The following MYT1L variants were observed in gnomAD, a reference collection of about 807,000 sequenced individuals.
The protein encoded by MYT1L is myelin transcription factor 1 like, also known as myelin transcription factor 1-like protein.
MYT1L carries 12 observed loss-of-function variants against 126.7 expected under a neutral mutation model. That is an observed-to-expected ratio of 0.09 (90% CI 0.06 to 0.15). MYT1L has a LOEUF of 0.15. Ranked by LOEUF, MYT1L falls within the 10% of genes least tolerant of loss-of-function variation. The pLI, the probability that MYT1L is intolerant of heterozygous loss-of-function variation, is 1.00. For synonymous variants in MYT1L, 541 were observed against 604.2 expected (o/e 0.90, Z 1.53); for missense variants, 979 against 1,585.2 (o/e 0.62, Z 6.49).
chr2:2,314,369 A>G (rs1316538375), intron 1 of MYT1L, among the ~76,000 whole-genome samples: 1 of 152,212 alleles, frequency 6.6e-6, no homozygotes, highest in African/African-American at 2.4e-5. Flanking sequence ...ATGACCATTC[A>G]GAACACTACA....
chr2:2,085,875 A>G (rs1452726677), intron 3 of MYT1L, among the ~76,000 whole-genome samples: 2 of 152,170 alleles, frequency 1.3e-5, no homozygotes. Context: ...TTCCTGATCC[A>G]CAGACTCCCT....
intron 9 of MYT1L, among the ~76,000 whole-genome samples, chr2:1,936,199 A>C (rs1185466276): frequency 6.6e-6 from 1 of 152,242 alleles, no homozygotes; most frequent in African/African-American, 2.4e-5. Context: ...CTGGGATTAC[A>C]GGCGTGAGCC....
chr2:2,329,177 A>G (rs929529262), intron 1 of MYT1L, among the ~76,000 whole-genome samples: 11 of 152,332 alleles, frequency 7.2e-5, no homozygotes, highest in African/African-American at 2.4e-4. Flanking sequence ...CACTGTCTAC[A>G]GAACAATGGC....
At chr2:2,027,238 G>A (rs770730561) in intron 4 of MYT1L, among the ~76,000 whole-genome samples, 8 of 152,202 alleles carry the variant, frequency 5.3e-5, no homozygotes, top group South Asian at 2.1e-4. Flanking sequence ...GCTCCACCCC[G>A]GGAGGCAGAG....
chr2:1,866,531 A>G (rs2045505863), intron 18 of MYT1L, among the ~76,000 whole-genome samples: 3 of 103,512 alleles, frequency 2.9e-5, no homozygotes, highest in South Asian at 4.0e-4. Context: ...GAGAGTTGGG[A>G]GGAGAGAGAG....
chr2:1,968,633 C>T (rs2059570418), intron 8 of MYT1L, among the ~76,000 whole-genome samples: 1 of 152,152 alleles, frequency 6.6e-6, no homozygotes, highest in South Asian at 2.1e-4. Flanking sequence ...AAGGATGCAA[C>T]CAGAGGCTTG....
At chr2:1,816,490 C>T (rs1253815538) in intron 21 of MYT1L, 1 of 152,760 alleles carries the variant, frequency 6.5e-6, no homozygotes, top group Non-Finnish European at 1.5e-5. Context: ...GATGCTTCCT[C>T]CCTCCTGTTT....
In MYT1L at chr2:2,240,680, C is replaced by T. The variant is rs186898432; in HGVS notation, c.-421+43724G>A. On this transcript the variant is annotated intron_variant, in intron 2 of 24. Coordinates refer to ENST00000647738, the MANE Select transcript of MYT1L (RefSeq NM_001303052.2). ...ATTATTTGAACGTGACAATTAGTGT[C>T]GCTGACATAGCGGTGTCCACATTTT... is the stretch of plus-strand genomic sequence containing the variant. Among the ~76,000 whole-genome samples, 716 of 152,288 alleles carry T rather than the reference C, an allele frequency of 4.7e-3. 9 individuals carry two copies. Among genetic ancestry groups the T allele is most frequent in the South Asian group, 0.011 (54 of 4,828 alleles).
At chr2:2,288,061 T>C (rs2149444237) in intron 1 of MYT1L, among the ~76,000 whole-genome samples, 1 of 152,144 alleles carries the variant, frequency 6.6e-6, no homozygotes, top group East Asian at 1.9e-4. Flanking sequence ...CTGGTCTCAT[T>C]TCCTGACACA....
At chr2:2,019,386 G>A (rs1355075080) in intron 4 of MYT1L, among the ~76,000 whole-genome samples, 1 of 152,072 alleles carries the variant, frequency 6.6e-6, no homozygotes, top group African/African-American at 2.4e-5. Flanking sequence ...GGAACTGTGA[G>A]TCAATTAAAC....
At chr2:2,115,384 C>T (rs1012085899) in intron 3 of MYT1L, among the ~76,000 whole-genome samples, 11 of 152,148 alleles carry the variant, frequency 7.2e-5, no homozygotes, top group Non-Finnish European at 1.6e-4. Flanking sequence ...ATTTATAGAA[C>T]CCCCACAATA....
At chr2:1,933,607 CTG>C (rs1388909313) in intron 9 of MYT1L, among the ~76,000 whole-genome samples, 6 of 152,194 alleles carry the variant, frequency 3.9e-5, no homozygotes, top group Non-Finnish European at 5.9e-5. Flanking sequence ...TCACAGGAGA[CTG>C]TGGTGCGTGT....
intron 3 of MYT1L, among the ~76,000 whole-genome samples, chr2:2,128,668 C>T (rs552564325): frequency 6.6e-6 from 1 of 152,038 alleles, no homozygotes; most frequent in South Asian, 2.1e-4. Flanking sequence ...ATTATACCTA[C>T]AAATTAAAGG....
rs150609617 is a variant in MYT1L, at chr2:1,923,688, C to CA, written c.506-426dup. Among the ~76,000 whole-genome samples, 437 of 152,262 alleles carry CA rather than the reference C, an allele frequency of 2.9e-3. 6 individuals are homozygous for CA. The East Asian group carries it at 0.045, about 16-fold the overall frequency. On this transcript the variant is annotated intron_variant, in intron 9 of 24. Transcript: ENST00000647738. The stretch of plus-strand genomic sequence containing the variant: ...AGAGTTCATGAACTTTACTTGTTGC[C>CA]AACTCTGAAGCAGATGTTTGCAGCA...
At chr2:1,819,422 T>C (rs985163716) in intron 21 of MYT1L, among the ~76,000 whole-genome samples, 2 of 152,204 alleles carry the variant, frequency 1.3e-5, no homozygotes, top group Non-Finnish European at 2.9e-5. Context: ...AAACAATCTA[T>C]GACCATCCCA....
At chr2:2,144,989 A>T (rs1419343761) in intron 3 of MYT1L, among the ~76,000 whole-genome samples, 2 of 152,246 alleles carry the variant, frequency 1.3e-5, no homozygotes, top group Non-Finnish European at 2.9e-5. Flanking sequence ...ACTTGTAAAA[A>T]TATCTCTGAT....
intron 2 of MYT1L, among the ~76,000 whole-genome samples, chr2:2,174,364 C>T (rs1313677776): frequency 1.3e-5 from 2 of 152,200 alleles, no homozygotes; most frequent in Admixed American, 6.5e-5. Context: ...GGAATTCTTG[C>T]AGTTTCTTCC....
chr2:2,300,913 A>G (rs1198198650), intron 1 of MYT1L, among the ~76,000 whole-genome samples: 4 of 152,184 alleles, frequency 2.6e-5, no homozygotes, highest in African/African-American at 9.6e-5. Context: ...TTGCTGTGCC[A>G]TAAAACGCCC....
chr2:2,143,780 C>T (rs532608179), intron 3 of MYT1L, among the ~76,000 whole-genome samples: 1 of 152,218 alleles, frequency 6.6e-6, no homozygotes, highest in African/African-American at 2.4e-5. Context: ...TACTATGCAG[C>T]CATCAAAAGA....
Sources: gnomAD v4.1 joint callset for allele counts (sites outside exome capture counted in the v4.1 genomes callset) on GRCh38, gnomAD v4.1.1 for gene constraint, MANE v1.5 for transcripts, NCBI Gene and HGNC (gene_info 2026-07-23, HGNC 2026-07-21) for gene names.